Variants in LRIF1 observed in about 807,000 individuals in gnomAD.
LRIF1 encodes ligand-dependent nuclear receptor-interacting factor 1.
In LRIF1, 32 loss-of-function variants were observed where a neutral mutation model predicts 52.7. That is an observed-to-expected ratio of 0.61 (90% confidence interval 0.46 to 0.82). LRIF1 has a LOEUF of 0.82. Among genes scored for constraint, LRIF1 ranks in the 40% least tolerant of loss-of-function variants. LRIF1 has a pLI of 0.00. For missense variants in LRIF1, 887 were observed against 892.0 expected (o/e 0.99, Z 0.07); for synonymous variants, 323 against 317.4 (o/e 1.02, Z -0.19).
the LRIF1 span, among the ~76,000 whole-genome samples, chr1:110,922,251 A>G: frequency 6.6e-6 from 1 of 152,222 alleles, no homozygotes; most frequent in South Asian, 2.1e-4. Flanking sequence ...TTCTGCCCTC[A>G]TGAATTGATT....
At chr1:110,905,979 T>C in the LRIF1 span, among the ~76,000 whole-genome samples, 2 of 152,082 alleles carry the variant, frequency 1.3e-5, no homozygotes, top group East Asian at 3.8e-4. Flanking sequence ...GTTAAAATAA[T>C]GGGATATAAG....
chr1:110,882,329 A>G, the LRIF1 span, among the ~76,000 whole-genome samples: 4 of 152,092 alleles, frequency 2.6e-5, no homozygotes, highest in Admixed American at 6.5e-5. Context: ...TTCCAGCACC[A>G]TTTGTTGAAA....
intron 1 of LRIF1, among the ~76,000 whole-genome samples, chr1:110,959,858 T>A (rs1265073056): frequency 6.6e-6 from 1 of 152,102 alleles, no homozygotes; most frequent in Non-Finnish European, 1.5e-5. Flanking sequence ...GGCATTCATA[T>A]ATTAGAAATA....
In LRIF1 at chr1:110,955,904, G is replaced by A. The variant is rs537762139; in HGVS notation, c.69-3089C>T. Among the ~76,000 whole-genome samples the A allele has an allele frequency of 2.6e-5, 4 of 152,318 alleles. No homozygotes were observed. The South Asian group carries it at 8.3e-4, about 32-fold the overall frequency. ...AACAAAAGGGATACACAATGAGAAG[G>A]AGGCAGGAAATGGAAACCAGAGAGA... is the stretch of plus-strand genomic sequence containing the variant. On this transcript the variant is annotated intron_variant, in intron 1 of 3. Coordinates refer to ENST00000369763, the MANE Select transcript of LRIF1 (RefSeq NM_018372.4).
the LRIF1 span, among the ~76,000 whole-genome samples, chr1:110,914,438 T>C: frequency 1.3e-5 from 2 of 152,180 alleles, no homozygotes; most frequent in East Asian, 3.9e-4. Context: ...AGCTAATAAA[T>C]ATGTAAAACT....
At chr1:110,938,183 G>A in the LRIF1 span, 1 of 152,142 alleles carries the variant, frequency 6.6e-6, no homozygotes, top group African/African-American at 2.4e-5. Flanking sequence ...AAATGAGGAG[G>A]AAGGAATACT....
At chr1:110,939,334 C>T in the LRIF1 span, 3 of 143,442 alleles carry the variant, frequency 2.1e-5, no homozygotes, top group Non-Finnish European at 3.0e-5. Context: ...GCCGAGATCG[C>T]GCCACTGCAC....
At chr1:110,910,062 A>G in the LRIF1 span, among the ~76,000 whole-genome samples, 1 of 152,210 alleles carries the variant, frequency 6.6e-6, no homozygotes, top group African/African-American at 2.4e-5. Flanking sequence ...CAAGAGACTT[A>G]GATAACCACA....
chr1:110,876,788 A>G, the LRIF1 span, among the ~76,000 whole-genome samples: 2 of 152,192 alleles, frequency 1.3e-5, no homozygotes, highest in South Asian at 4.1e-4. Flanking sequence ...AAATGACAAA[A>G]TTCAGACTGA....
intron 1 of LRIF1, among the ~76,000 whole-genome samples, chr1:110,956,219 T>C (rs929850673): frequency 2.6e-5 from 4 of 152,214 alleles, no homozygotes; most frequent in African/African-American, 7.2e-5. Flanking sequence ...GATGTGTTGA[T>C]GGCATGGGGA....
the LRIF1 span, among the ~76,000 whole-genome samples, chr1:110,917,646 T>C: frequency 2.9e-5 from 1 of 35,068 alleles, no homozygotes. Flanking sequence ...TTTTTTGTTT[T>C]TGTTTTTTTT....
chr1:110,884,166 CA>C, the LRIF1 span, among the ~76,000 whole-genome samples: 2 of 152,008 alleles, frequency 1.3e-5, no homozygotes, highest in African/African-American at 4.8e-5. Flanking sequence ...AAATTCACCC[CA>C]AAATATTGCT....
the LRIF1 span, among the ~76,000 whole-genome samples, chr1:110,881,547 A>C: frequency 1.3e-5 from 2 of 152,262 alleles, no homozygotes; most frequent in Non-Finnish European, 2.9e-5. Flanking sequence ...TATTACAAAT[A>C]ATACTACAAA....
chr1:110,917,675 A>T, the LRIF1 span, among the ~76,000 whole-genome samples: 1,101 of 150,492 alleles, frequency 7.3e-3, 16 homozygotes, highest in African/African-American at 0.026. Context: ...AGAGGTCAAC[A>T]TAAAAAAATA....
Position 110,951,512 on chromosome 1 carries a change from G to T in LRIF1, c.1372C>A (p.His458Asn), listed in dbSNP as rs541635069. ...AAGTAGTTACTGGATTGGTTCATATGTGGATTTGTGGTAGAAGGAGATGGT... is the reference window on the plus strand; with the variant it reads ...AAGTAGTTACTGGATTGGTTCATATTTGGATTTGTGGTAGAAGGAGATGGT... ...EKPSPSTTNP[H>N]MNQSSNYLKQ... is the part of the protein sequence containing the mutation. Residue 458 changes from histidine (H) to asparagine (N), a missense_variant, in exon 2 of 4, where the codon CAT becomes AAT. His to Asn is a moderately conservative substitution (Grantham distance 68, BLOSUM62 1). Coordinates refer to ENST00000369763, the MANE Select transcript of LRIF1 (RefSeq NM_018372.4). 269 of 1,614,182 alleles carry T rather than the reference G, an allele frequency of 1.7e-4. No individual in the cohort carries two copies. The South Asian group carries it at 2.6e-3, about 16-fold the overall frequency.
At chr1:110,883,260 T>A in the LRIF1 span, among the ~76,000 whole-genome samples, 1 of 151,980 alleles carries the variant, frequency 6.6e-6, no homozygotes, top group Non-Finnish European at 1.5e-5. Context: ...AGAGTTTTCA[T>A]CAAAAATAGA....
chr1:110,959,927 T>A (rs1403043757), intron 1 of LRIF1, among the ~76,000 whole-genome samples: 3 of 152,022 alleles, frequency 2.0e-5, no homozygotes, highest in Non-Finnish European at 4.4e-5. Context: ...CAAAATATAT[T>A]TTTTTCAACT....
chr1:110,935,796 TAGAG>T, the LRIF1 span, among the ~76,000 whole-genome samples: 1 of 152,028 alleles, frequency 6.6e-6, no homozygotes, highest in Non-Finnish European at 1.5e-5. Flanking sequence ...GGGATAATAA[TAGAG>T]AACTTCCCAA....
chr1:110,952,339 C>A lies in LRIF1; in HGVS notation c.545G>T (p.Gly182Val). 1 of 1,614,008 alleles carries A rather than the reference C, an allele frequency of 6.2e-7. No homozygotes were observed. The highest frequency in any genetic ancestry group is 2.2e-5 in the East Asian group (1 of 44,882). ...VTVKSPVLPS[G>V]HHLQIPAHAE... is the part of the protein sequence containing the mutation. ...ATGGGCTGGAATCTGTAAATGATGC[C>A]CAGAAGGCAAAACTGGAGACTTCAC... The change falls in exon 2 of 4, where the codon GGG (glycine) becomes GTG (valine). Residue 182 changes from glycine to valine, a missense_variant. Physicochemically the swap from Gly to Val is moderately radical, Grantham distance 109. Transcript: ENST00000369763.
Sources: gnomAD v4.1 joint callset for allele counts (sites outside exome capture counted in the v4.1 genomes callset) on GRCh38, gnomAD v4.1.1 for gene constraint, MANE v1.5 for transcripts, NCBI Gene and HGNC (gene_info 2026-07-23, HGNC 2026-07-21) for gene names.